RAP1B: variants seen among roughly 807,000 people sequenced by gnomAD.
The protein encoded by RAP1B is RAP1B, member of RAS oncogene family.
A neutral mutation model predicts 27.5 loss-of-function variants in RAP1B; 1 was observed. The observed-to-expected ratio is 0.04, with a 90% CI of 0.01 to 0.17. The LOEUF (loss-of-function observed/expected upper bound fraction) is 0.17. Ranked by LOEUF, RAP1B falls within the 10% of genes least tolerant of loss-of-function variation. The probability of loss-of-function intolerance (pLI) is 1.00; values close to 1 mark genes in which losing one functional copy is unlikely to be tolerated. For missense variants in RAP1B, 84 were observed against 214.8 expected (o/e 0.39, Z 3.81); for synonymous variants, 75 against 73.1 (o/e 1.03, Z -0.13).
rs1248630320 is a variant in RAP1B, at chr12:68,659,761, A to C, written c.*512A>C. On this transcript the variant is annotated 3_prime_UTR_variant, in exon 8 of 8. Coordinates refer to ENST00000250559, the MANE Select transcript of RAP1B (RefSeq NM_001010942.3). ...AAGGTCATTATTATTGTACAAAATA[A>C]GCGCTTTGATTAACACAGCTATATA... 1 of 152,578 alleles carries C rather than the reference A, an allele frequency of 6.6e-6. No homozygotes were observed. Among genetic ancestry groups the C allele is most frequent in the Non-Finnish European group, 1.5e-5 (1 of 68,082 alleles). 9.5% of individuals were successfully genotyped at this position (152,578 alleles called of 1,614,324 possible).
At position 68,666,660 on chromosome 12, in the gene RAP1B, A is replaced by G. The variant is rs796894981; in HGVS notation, c.*7411A>G. 4 of 152,344 alleles carry G rather than the reference A, an allele frequency of 2.6e-5. No homozygotes were observed. The highest frequency in any genetic ancestry group is 7.2e-5 in the African/African-American group (3 of 41,590). 9.4% of individuals were successfully genotyped at this position (152,344 alleles called of 1,614,324 possible). ...AATGCTTAATCACATCTGCAAAGAC[A>G]CTTTTTTCAAATAAAGTTAACAGAC... On this transcript the variant is annotated 3_prime_UTR_variant, in exon 8 of 8. Coordinates refer to ENST00000250559, the MANE Select transcript of RAP1B (RefSeq NM_001010942.3).
rs1874966903 is a variant in RAP1B, at chr12:68,669,121, A to G, written c.*9872A>G. On this transcript the variant is annotated 3_prime_UTR_variant, in exon 8 of 8. Transcript: ENST00000250559. ...GGCTGGATATAAGATAAGCATGCCA[A>G]AAATCAATAGCTTTTCTTTATATTT... The G allele has an allele frequency of 6.6e-6, 1 of 152,182 alleles. No homozygotes were observed. Among genetic ancestry groups the G allele is most frequent in the Admixed American group, 6.5e-5 (1 of 15,276 alleles). 9.4% of individuals were successfully genotyped at this position (152,182 alleles called of 1,614,324 possible).
At chr12:68,627,138 A>G in intron 1 of RAP1B, 2 of 1,580,184 alleles carry the variant, frequency 1.3e-6, no homozygotes, top group Non-Finnish European at 1.7e-6. Flanking sequence ...AACCCTGGCC[A>G]CAGTGCCCTG....
intron 1 of RAP1B, among the ~76,000 whole-genome samples, chr12:68,640,282 C>G (rs2135946729): frequency 6.6e-6 from 1 of 152,168 alleles, no homozygotes; most frequent in East Asian, 1.9e-4. Context: ...TTCTTCATAA[C>G]CACCCCATAT....
chr12:68,614,066 G>A (rs1870807733), intron 1 of RAP1B, among the ~76,000 whole-genome samples: 1 of 152,180 alleles, frequency 6.6e-6, no homozygotes, highest in African/African-American at 2.4e-5. Flanking sequence ...ATTCAAGATT[G>A]GTGGAAGGTC....
In RAP1B at chr12:68,668,098, T is replaced by C. The variant is rs1874926287; in HGVS notation, c.*8849T>C. On this transcript the variant is annotated 3_prime_UTR_variant, in exon 8 of 8. Transcript: ENST00000250559. ...ATATTCTCATGGTCAGGGCATTCTC[T>C]CCTTGGCAGGATGTAGTTAATGACA... 6.6e-6 allele frequency: 1 copy of C among 152,220 alleles called. No individual in the cohort carries two copies. The highest frequency in any genetic ancestry group is 2.1e-4 in the South Asian group (1 of 4,836). The allele number at this position is 152,220 out of a possible 1,614,324, so 9.4% of individuals were successfully genotyped here. A position where few individuals can be genotyped will look rare whatever the true frequency, so the allele number is the denominator to read the frequency against.
chr12:68,627,695 C>T (rs1267082112), intron 1 of RAP1B, among the ~76,000 whole-genome samples: 1 of 152,148 alleles, frequency 6.6e-6, no homozygotes, highest in African/African-American at 2.4e-5. Flanking sequence ...CTAAAAGCGT[C>T]TTTTATCATA....
intron 1 of RAP1B, among the ~76,000 whole-genome samples, chr12:68,642,130 G>A (rs1243364301): frequency 6.6e-6 from 1 of 152,136 alleles, no homozygotes; most frequent in Non-Finnish European, 1.5e-5. Context: ...ATAGACTAAA[G>A]ATGAATACAA....
At chr12:68,648,901 A>ACT in intron 2 of RAP1B, 120 bp downstream of exon 2, 1 of 900,486 alleles carries the variant, frequency 1.1e-6, no homozygotes, top group Non-Finnish European at 1.7e-6. Context: ...TAGAAGCAAT[A>ACT]TAATATTTTT....
chr12:68,615,048 T>C (rs1227997746), intron 1 of RAP1B, among the ~76,000 whole-genome samples: 1 of 152,208 alleles, frequency 6.6e-6, no homozygotes, highest in African/African-American at 2.4e-5. Flanking sequence ...AGAAAAGTTA[T>C]CAGGAACTTT....
chr12:68,633,524 T>G, intron 1 of RAP1B, among the ~76,000 whole-genome samples: 1 of 152,312 alleles, frequency 6.6e-6, no homozygotes, highest in East Asian at 1.9e-4. Context: ...TATGTAGTTG[T>G]CACATTTGCT....
intron 7 of RAP1B, among the ~76,000 whole-genome samples, chr12:68,658,153 C>G (rs977235366): frequency 1.3e-5 from 2 of 152,230 alleles, no homozygotes; most frequent in South Asian, 4.1e-4. Context: ...CTTTGACATT[C>G]CTGACTCTTA....
chr12:68,618,622 A>G (rs1381597716), intron 1 of RAP1B, among the ~76,000 whole-genome samples: 1 of 152,154 alleles, frequency 6.6e-6, no homozygotes, highest in African/African-American at 2.4e-5. Context: ...TTGTAGTGAC[A>G]TTTGTACCTG....
intron 4 of RAP1B, among the ~76,000 whole-genome samples, chr12:68,653,855 C>T (rs989016657): frequency 4.6e-5 from 7 of 151,558 alleles, no homozygotes; most frequent in East Asian, 3.9e-4. Context: ...CACTTGAGCC[C>T]GGGAGGCAGA....
rs1874939246 is a variant in RAP1B at position 68,668,445 on chromosome 12, T to G, written c.*9196T>G. ...TTGGCTCGACTGCTTTATCTCACTT[T>G]GAAAAAGAAAAGTTACAAATTCTAG... is the stretch of plus-strand genomic sequence containing the variant. On this transcript the variant is annotated 3_prime_UTR_variant, in exon 8 of 8. Coordinates refer to ENST00000250559, the MANE Select transcript of RAP1B (RefSeq NM_001010942.3). 1.3e-5 allele frequency: 2 copies of G among 152,224 alleles called. No homozygotes were observed. The highest frequency in any genetic ancestry group is 2.9e-5 in the Non-Finnish European group (2 of 68,042). The allele number at this position is 152,224 out of a possible 1,614,324, so 9.4% of individuals were successfully genotyped here.
At chr12:68,612,938 C>T (rs1051301985) in intron 1 of RAP1B, among the ~76,000 whole-genome samples, 2 of 152,158 alleles carry the variant, frequency 1.3e-5, no homozygotes, top group Non-Finnish European at 2.9e-5. Flanking sequence ...CTAAGGAAGT[C>T]CTAAAGTAAA....
intron 1 of RAP1B, among the ~76,000 whole-genome samples, chr12:68,646,486 G>A (rs990113495): frequency 6.6e-6 from 1 of 152,074 alleles, no homozygotes; most frequent in African/African-American, 2.4e-5. Flanking sequence ...AGTAGAAACG[G>A]GGTTTCACCA....
At chr12:68,655,556 G>A (rs1202268073) in intron 5 of RAP1B, among the ~76,000 whole-genome samples, 1 of 117,106 alleles carries the variant, frequency 8.5e-6, no homozygotes, top group Non-Finnish European at 1.8e-5. Context: ...TTTTTTTTGA[G>A]ACGGAGTCTC....
At chr12:68,622,586 A>C (rs1871460639) in intron 1 of RAP1B, among the ~76,000 whole-genome samples, 1 of 152,166 alleles carries the variant, frequency 6.6e-6, no homozygotes, top group African/African-American at 2.4e-5. Context: ...ACATTTACAG[A>C]GTTTTTTCCT....
Sources: gnomAD v4.1 joint callset for allele counts (sites outside exome capture counted in the v4.1 genomes callset) on GRCh38, gnomAD v4.1.1 for gene constraint, MANE v1.5 for transcripts, NCBI Gene and HGNC (gene_info 2026-07-23, HGNC 2026-07-21) for gene names.